Variants in DTNA observed in about 807,000 individuals in gnomAD.
The protein encoded by DTNA is dystrobrevin alpha.
In DTNA, 43 loss-of-function variants were observed where a neutral mutation model predicts 100.7. That is an observed-to-expected ratio of 0.43 (90% CI 0.33 to 0.55). The LOEUF (loss-of-function observed/expected upper bound fraction) is 0.55, where lower values mean the gene tolerates loss of function less well. DTNA is among the 20% of genes least tolerant of loss of function. DTNA has a pLI of 0.04. For synonymous variants in DTNA, 349 were observed against 347.9 expected (o/e 1.00, Z -0.04); for missense variants, 798 against 953.9 (o/e 0.84, Z 2.15).
chr18:34,698,358 AT>A (rs1346710476), intron 1 of DTNA, among the ~76,000 whole-genome samples: 2 of 152,174 alleles, frequency 1.3e-5, no homozygotes, highest in African/African-American at 4.8e-5. Context: ...TGGCAGGGCC[AT>A]TCTCCCTATG....
At chr18:34,715,925 A>G (rs1282564491) in intron 1 of DTNA, among the ~76,000 whole-genome samples, 2 of 152,212 alleles carry the variant, frequency 1.3e-5, no homozygotes, top group African/African-American at 4.8e-5. Flanking sequence ...TTTAATAATT[A>G]GCAACTATTT....
intron 1 of DTNA, among the ~76,000 whole-genome samples, chr18:34,617,621 G>A (rs1015084267): frequency 1.3e-5 from 2 of 152,082 alleles, no homozygotes; most frequent in Non-Finnish European, 2.9e-5. Flanking sequence ...TTGGTATCAC[G>A]ATGATGCTGG....
At chr18:34,606,007 T>G (rs2053018770) in intron 1 of DTNA, among the ~76,000 whole-genome samples, 1 of 152,178 alleles carries the variant, frequency 6.6e-6, no homozygotes, top group Non-Finnish European at 1.5e-5. Context: ...ACAATTTATG[T>G]ACTATTAATG....
chr18:34,644,365 T>C (rs183275844), intron 1 of DTNA, among the ~76,000 whole-genome samples: 1 of 152,304 alleles, frequency 6.6e-6, no homozygotes, highest in African/African-American at 2.4e-5. Context: ...TTATGTTTAT[T>C]AGTTGAGGTA....
chr18:34,522,893 C>T (rs2042280636), intron 1 of DTNA, among the ~76,000 whole-genome samples: 1 of 152,200 alleles, frequency 6.6e-6, no homozygotes, highest in African/African-American at 2.4e-5. Flanking sequence ...CTGTTCTGGA[C>T]ACATGCATAT....
intron 1 of DTNA, among the ~76,000 whole-genome samples, chr18:34,592,206 G>A (rs1352682692): frequency 6.6e-6 from 1 of 152,010 alleles, no homozygotes; most frequent in Non-Finnish European, 1.5e-5. Context: ...AAATTATAAA[G>A]CCTTCATTAG....
chr18:34,812,875 C>G (rs1485014449), intron 6 of DTNA, among the ~76,000 whole-genome samples: 1 of 152,144 alleles, frequency 6.6e-6, no homozygotes, highest in African/African-American at 2.4e-5. Context: ...GCAAAGGATA[C>G]CAGAAAGGAA....
At chr18:34,672,469 C>T (rs549064453) in intron 1 of DTNA, among the ~76,000 whole-genome samples, 14 of 152,124 alleles carry the variant, frequency 9.2e-5, no homozygotes, top group South Asian at 4.2e-4. Flanking sequence ...TGTACAGTAG[C>T]GATTTCTATA....
intron 1 of DTNA, among the ~76,000 whole-genome samples, chr18:34,656,424 TGTC>T (rs746481888): frequency 6.6e-6 from 1 of 152,212 alleles, no homozygotes; most frequent in African/African-American, 2.4e-5. Flanking sequence ...CTGACAATTG[TGTC>T]GTTTTCCTTC....
At chr18:34,829,562 G>C in intron 11 of DTNA, 73 bp downstream of exon 11, 1 of 1,375,020 alleles carries the variant, frequency 7.3e-7, no homozygotes, top group Non-Finnish European at 9.5e-7. Flanking sequence ...ATTCTACTCT[G>C]GCACTAAAAT....
intron 1 of DTNA, among the ~76,000 whole-genome samples, chr18:34,617,372 T>C (rs1051827634): frequency 1.3e-5 from 2 of 152,210 alleles, no homozygotes; most frequent in Non-Finnish European, 2.9e-5. Flanking sequence ...TCTGCATCTA[T>C]TGAGATGATC....
intron 11 of DTNA, among the ~76,000 whole-genome samples, chr18:34,834,532 A>T (rs1445306298): frequency 6.6e-6 from 1 of 152,002 alleles, no homozygotes; most frequent in African/African-American, 2.4e-5. Flanking sequence ...TATTTGGCTC[A>T]TGGTTCTGCA....
chr18:34,730,729 C>T (rs2087906126), intron 1 of DTNA, among the ~76,000 whole-genome samples: 2 of 152,188 alleles, frequency 1.3e-5, no homozygotes, highest in Non-Finnish European at 1.5e-5. Flanking sequence ...TTACTGTCCC[C>T]TAACCTGTTA....
At chr18:34,809,167 T>G (rs185906028) in intron 5 of DTNA, among the ~76,000 whole-genome samples, 1 of 152,352 alleles carries the variant, frequency 6.6e-6, no homozygotes, top group East Asian at 1.9e-4. Context: ...GTGATAATTA[T>G]TAATGGAATG....
chr18:34,603,052 A>G (rs2052290312), intron 1 of DTNA, among the ~76,000 whole-genome samples: 1 of 151,680 alleles, frequency 6.6e-6, no homozygotes, highest in African/African-American at 2.4e-5. Flanking sequence ...TTAATTTTAA[A>G]AAAGAAAGAA....
At chr18:34,633,576 G>A (rs1036216129) in intron 1 of DTNA, among the ~76,000 whole-genome samples, 4 of 152,120 alleles carry the variant, frequency 2.6e-5, no homozygotes, top group African/African-American at 7.2e-5. Flanking sequence ...GGGCCAGGTG[G>A]TATGCAGAAA....
intron 3 of DTNA, among the ~76,000 whole-genome samples, chr18:34,776,062 G>T (rs937003951): frequency 1.1e-4 from 17 of 152,212 alleles, no homozygotes; most frequent in African/African-American, 4.1e-4. Context: ...TTCAAAGCAG[G>T]ACTGAGACTG....
At position 34,498,726 on chromosome 18, in the gene DTNA, A is replaced by G. The variant is rs370433514; in HGVS notation, c.-2+5212A>G. On this transcript the variant is annotated intron_variant, in intron 1 of 19. Coordinates refer to the DTNA transcript ENST00000283365. ...AGATTTGATAGTATCAACATGGTAC[A>G]GAAATCAGAACAGCTATGTGCGTAT... Among the ~76,000 whole-genome samples, 5 of 152,128 alleles carry G rather than the reference A, an allele frequency of 3.3e-5. No individual in the cohort carries two copies. In the East Asian group the frequency reaches 7.7e-4, roughly 24 times the overall value.
chr18:34,559,394 G>A (rs1015730252), intron 1 of DTNA, among the ~76,000 whole-genome samples: 2 of 152,170 alleles, frequency 1.3e-5, no homozygotes, highest in Non-Finnish European at 2.9e-5. Flanking sequence ...TACTGAATGG[G>A]CGTTTAAATG....
Sources: allele counts gnomAD v4.1 joint callset (sites outside exome capture counted in the v4.1 genomes callset), GRCh38; gene constraint gnomAD v4.1.1; transcripts MANE v1.5; gene names NCBI Gene and HGNC (gene_info 2026-07-23, HGNC 2026-07-21).